The following CENPP variants were observed in gnomAD, a reference collection of about 807,000 sequenced individuals.
CENPP encodes centromere protein P.
A neutral mutation model predicts 35.6 loss-of-function variants in CENPP; 24 were observed. The observed-to-expected ratio is 0.67, with a 90% CI of 0.49 to 0.95. CENPP has a LOEUF of 0.95. Among genes scored for constraint, CENPP ranks in the 40% least tolerant of loss-of-function variants. The probability of loss-of-function intolerance (pLI) is 0.00; values close to 1 mark genes in which losing one functional copy is unlikely to be tolerated. For missense variants in CENPP, 332 were observed against 345.3 expected, an observed-to-expected ratio of 0.96 and a Z score of 0.31; for synonymous variants, 120 against 125.5, an observed-to-expected ratio of 0.96 and a Z score of 0.29.
At chr9:92,339,085 G>C (rs544660435) in intron 3 of CENPP, among the ~76,000 whole-genome samples, 1 of 152,334 alleles carries the variant, frequency 6.6e-6, no homozygotes, top group Non-Finnish European at 1.5e-5. Flanking sequence ...TGGGCCAACA[G>C]GGAATGTGTG....
intron 5 of CENPP, among the ~76,000 whole-genome samples, chr9:92,532,494 C>T (rs757854351): frequency 1.1e-4 from 17 of 152,016 alleles, no homozygotes; most frequent in Non-Finnish European, 2.2e-4. Context: ...CTCATTGTGT[C>T]TTTAATGTCA....
intron 5 of CENPP, among the ~76,000 whole-genome samples, chr9:92,558,343 T>C (rs1398685023): frequency 2.0e-5 from 3 of 152,192 alleles, no homozygotes; most frequent in Non-Finnish European, 2.9e-5. Flanking sequence ...TCCCTTGATG[T>C]AGTACTCTCC....
At chr9:92,599,751 T>G (rs532263891) in intron 5 of CENPP, among the ~76,000 whole-genome samples, 2 of 152,238 alleles carry the variant, frequency 1.3e-5, no homozygotes, top group African/African-American at 4.8e-5. Flanking sequence ...TTCCTCCTGT[T>G]TCTCAGAGTC....
chr9:92,326,196 TC>T (rs780519464), intron 1 of CENPP, 91 bp downstream of exon 1: 25 of 816,862 alleles, frequency 3.1e-5, no homozygotes, highest in South Asian at 2.5e-4. Flanking sequence ...GGTCTCCTAC[TC>T]CCAGCCCTAG....
intron 4 of CENPP, among the ~76,000 whole-genome samples, chr9:92,351,715 C>T (rs952410239): frequency 1.3e-5 from 2 of 152,066 alleles, no homozygotes; most frequent in Non-Finnish European, 2.9e-5. Flanking sequence ...ACTGTAACCT[C>T]TACCTCACCA....
chr9:92,430,068 A>G (rs967227429), intron 5 of CENPP, among the ~76,000 whole-genome samples: 4 of 152,116 alleles, frequency 2.6e-5, no homozygotes, highest in African/African-American at 4.8e-5. Context: ...GGCCCTTCCA[A>G]GTGGCACTCC....
intron 5 of CENPP, chr9:92,417,442 GT>G: frequency 6.2e-7 from 1 of 1,613,902 alleles, no homozygotes; most frequent in Non-Finnish European, 8.5e-7. Flanking sequence ...ATCCTGTTTG[GT>G]AATCATCATC....
At chr9:92,362,896 A>T (rs1487975844) in intron 4 of CENPP, among the ~76,000 whole-genome samples, 1 of 151,982 alleles carries the variant, frequency 6.6e-6, no homozygotes, top group African/African-American at 2.4e-5. Context: ...TTTTCCAACG[A>T]TTTATAATTT....
chr9:92,619,515 A>C lies in CENPP; in HGVS notation c.*6366A>C, dbSNP rs778056673. The C allele has an allele frequency of 3.8e-5, 61 of 1,593,422 alleles. No homozygotes were observed. The highest frequency in any genetic ancestry group is 4.7e-5 in the Non-Finnish European group (55 of 1,170,502). On this transcript the variant is annotated 3_prime_UTR_variant, in exon 8 of 8. Transcript: ENST00000375587. ...CATCCTGCAGACAGGGAGACAGTGC[A>C]ATCATGATGGAGCAGTCCTTGGCAG...
At chr9:92,399,175 C>T (rs1262410346) in intron 5 of CENPP, among the ~76,000 whole-genome samples, 3 of 152,082 alleles carry the variant, frequency 2.0e-5, no homozygotes, top group African/African-American at 4.8e-5. Flanking sequence ...TTCCTGCTGC[C>T]GTGTATGAGT....
At chr9:92,346,859 C>G (rs558104769) in intron 4 of CENPP, among the ~76,000 whole-genome samples, 1 of 152,112 alleles carries the variant, frequency 6.6e-6, no homozygotes, top group Admixed American at 6.6e-5. Flanking sequence ...CAGGGGATAA[C>G]TCTTTGATTA....
chr9:92,362,621 C>A (rs370634934), intron 4 of CENPP, among the ~76,000 whole-genome samples: 1 of 152,168 alleles, frequency 6.6e-6, no homozygotes, highest in African/African-American at 2.4e-5. Flanking sequence ...CCTTTGGCTC[C>A]AATATGCAAT....
rs374571991 is a variant in CENPP, at chr9:92,379,802, C to T, written c.507C>T (p.Ser169=). ...ERKDLFMFFR[S]LHFFVEWFEY... ...AAGATCTGTTCATGTTTTTCCGAAG[C>T]CTGCATTTTTTTGTGGAGTGGTTTG... is the stretch of plus-strand genomic sequence containing the variant. Residue 169 remains serine, a synonymous_variant, in exon 5 of 8, where the codon AGC becomes AGT. Transcript: ENST00000375587. The T allele has an allele frequency of 6.2e-7, 1 of 1,613,326 alleles. No homozygotes were observed. Among genetic ancestry groups the T allele is most frequent in the African/African-American group, 1.3e-5 (1 of 74,894 alleles).
intron 5 of CENPP, among the ~76,000 whole-genome samples, chr9:92,603,726 C>A (rs1395913959): frequency 6.6e-6 from 1 of 152,166 alleles, no homozygotes. Context: ...ATCCAGCAAG[C>A]CCTGATGCCA....
At chr9:92,440,754 C>T (rs543702374) in intron 5 of CENPP, among the ~76,000 whole-genome samples, 3 of 152,158 alleles carry the variant, frequency 2.0e-5, no homozygotes, top group South Asian at 2.1e-4. Flanking sequence ...GAGTGGAAGA[C>T]GTGAACAGAA....
chr9:92,360,961 C>G (rs1018729459), intron 4 of CENPP, among the ~76,000 whole-genome samples: 1 of 152,080 alleles, frequency 6.6e-6, no homozygotes, highest in Non-Finnish European at 1.5e-5. Context: ...CCCGCCTCGG[C>G]CTCCCAAAGT....
intron 5 of CENPP, chr9:92,505,575 A>G: frequency 1.2e-6 from 2 of 1,607,552 alleles, no homozygotes; most frequent in Non-Finnish European, 8.5e-7. Flanking sequence ...TTCTAAATTT[A>G]TTTTTTCCCA....
intron 5 of CENPP, among the ~76,000 whole-genome samples, chr9:92,473,052 C>T (rs1207220542): frequency 1.3e-5 from 2 of 152,162 alleles, no homozygotes; most frequent in African/African-American, 4.8e-5. Context: ...GATGGCATGT[C>T]TGACTGTCAC....
intron 5 of CENPP, among the ~76,000 whole-genome samples, chr9:92,458,280 G>A (rs978334969): frequency 6.6e-6 from 1 of 152,072 alleles, no homozygotes; most frequent in African/African-American, 2.4e-5. Context: ...GAGATTTCTG[G>A]GAAATAAAAG....
Sources: gnomAD v4.1 joint callset for allele counts (sites outside exome capture counted in the v4.1 genomes callset) on GRCh38, gnomAD v4.1.1 for gene constraint, MANE v1.5 for transcripts, NCBI Gene and HGNC (gene_info 2026-07-23, HGNC 2026-07-21) for gene names.